DLG2: variants seen among roughly 807,000 people sequenced by gnomAD.
The protein encoded by DLG2 is discs large MAGUK scaffold protein 2, also known as disks large homolog 2.
A neutral mutation model predicts 132.5 loss-of-function variants in DLG2; 45 were observed. That is an observed-to-expected ratio of 0.34 (90% CI 0.27 to 0.44). DLG2 has a LOEUF of 0.44. DLG2 is among the 20% of genes least tolerant of loss of function. The probability of loss-of-function intolerance (pLI) is 1.00; values close to 1 mark genes in which losing one functional copy is unlikely to be tolerated. For missense variants in DLG2, 1,045 were observed against 1,196.9 expected, an observed-to-expected ratio of 0.87 and a Z score of 1.87; for synonymous variants, 424 against 419.6, an observed-to-expected ratio of 1.01 and a Z score of -0.13.
At chr11:85,406,995 T>C (rs2088814229) in intron 3 of DLG2, among the ~76,000 whole-genome samples, 1 of 151,774 alleles carries the variant, frequency 6.6e-6, no homozygotes, top group African/African-American at 2.4e-5. Context: ...AAAAGAGTCA[T>C]GGAGATATTG....
chr11:84,593,283 C>T (rs1486037975), intron 6 of DLG2, among the ~76,000 whole-genome samples: 1 of 152,110 alleles, frequency 6.6e-6, no homozygotes, highest in African/African-American at 2.4e-5. Context: ...GACCGCCAAT[C>T]CCATTACTGG....
At chr11:84,336,472 A>G (rs967819519) in intron 7 of DLG2, among the ~76,000 whole-genome samples, 3 of 152,196 alleles carry the variant, frequency 2.0e-5, no homozygotes, top group African/African-American at 7.2e-5. Context: ...ATTGACTCAT[A>G]AAGTATTCCT....
chr11:85,293,561 A>G (rs932118885), intron 3 of DLG2, among the ~76,000 whole-genome samples: 4 of 152,170 alleles, frequency 2.6e-5, no homozygotes, highest in African/African-American at 9.7e-5. Context: ...ACATCAGACA[A>G]ATGCAAATTA....
chr11:84,788,204 TA>T (rs998819662), intron 6 of DLG2, among the ~76,000 whole-genome samples: 1 of 130,878 alleles, frequency 7.6e-6, no homozygotes, highest in African/African-American at 2.9e-5. Flanking sequence ...AAAACAAAAA[TA>T]GTAAAACAAA....
At chr11:83,722,387 G>T (rs1051988065) in intron 18 of DLG2, among the ~76,000 whole-genome samples, 1 of 152,132 alleles carries the variant, frequency 6.6e-6, no homozygotes, top group African/African-American at 2.4e-5. Flanking sequence ...TTTAATAAGG[G>T]TGCTAGCCTA....
At chr11:83,890,122 A>T (rs2069298254) in intron 15 of DLG2, among the ~76,000 whole-genome samples, 1 of 152,082 alleles carries the variant, frequency 6.6e-6, no homozygotes, top group African/African-American at 2.4e-5. Flanking sequence ...ATAATAATAA[A>T]AAAAGAAATT....
At chr11:84,910,657 A>G (rs2091967010) in intron 6 of DLG2, among the ~76,000 whole-genome samples, 1 of 152,186 alleles carries the variant, frequency 6.6e-6, no homozygotes, top group Non-Finnish European at 1.5e-5. Flanking sequence ...TCACGCCTAT[A>G]ATCCCAGCTG....
intron 11 of DLG2, among the ~76,000 whole-genome samples, chr11:84,035,149 G>T (rs2095827345): frequency 6.6e-6 from 1 of 151,990 alleles, no homozygotes; most frequent in Admixed American, 6.6e-5. Flanking sequence ...CTAAGCCAAG[G>T]TCTGCTGCCC....
Position 85,186,544 on chromosome 11 carries a change from T to C in DLG2, c.187-31893A>G, listed in dbSNP as rs149349514. 2.9e-3 allele frequency among the ~76,000 whole-genome samples: 440 copies of C among 152,204 alleles called. 2 individuals carry two copies. Among genetic ancestry groups the C allele is most frequent in the African/African-American group, 0.01 (432 of 41,552 alleles). The stretch of plus-strand genomic sequence containing the variant: ...TACATAGAAATGGAGAATTTTAGAT[T>C]TGTATTTATAGAATGACCCAATTTA... On this transcript the variant is annotated intron_variant, in intron 4 of 27. Coordinates refer to ENST00000376104, the MANE Select transcript of DLG2 (RefSeq NM_001142699.3).
intron 7 of DLG2, among the ~76,000 whole-genome samples, chr11:84,345,284 A>T (rs889929430): frequency 3.3e-5 from 5 of 152,202 alleles, no homozygotes; most frequent in Non-Finnish European, 7.3e-5. Context: ...GAAATTTTGA[A>T]ACCGGTATAT....
intron 3 of DLG2, among the ~76,000 whole-genome samples, chr11:85,521,981 T>C (rs539949606): frequency 1.3e-3 from 197 of 151,954 alleles, no homozygotes; most frequent in Non-Finnish European, 1.9e-3. Context: ...GGTGCAGAAA[T>C]TTGCATAAGT....
intron 6 of DLG2, among the ~76,000 whole-genome samples, chr11:85,105,099 C>A (rs1479726338): frequency 6.6e-6 from 1 of 151,924 alleles, no homozygotes; most frequent in African/African-American, 2.4e-5. Flanking sequence ...ATCTTGCCAG[C>A]AACCTTAGGG....
chr11:83,630,157 T>A (rs547692482), intron 19 of DLG2, among the ~76,000 whole-genome samples: 1 of 152,316 alleles, frequency 6.6e-6, no homozygotes, highest in South Asian at 2.1e-4. Context: ...TTTAAAATAC[T>A]GCCTGGCTCA....
intron 3 of DLG2, among the ~76,000 whole-genome samples, chr11:85,321,995 G>C (rs2081103188): frequency 6.6e-6 from 1 of 151,994 alleles, no homozygotes; most frequent in Non-Finnish European, 1.5e-5. Context: ...ACCAGGAAAT[G>C]TGTGGCAGCA....
At position 83,659,762 on chromosome 11, in the gene DLG2, G is replaced by A. The variant is rs540564196; in HGVS notation, c.1826-26437C>T. Among the ~76,000 whole-genome samples, 16 of 152,298 alleles carry A rather than the reference G, an allele frequency of 1.1e-4. No homozygotes were observed. The East Asian group carries it at 1.5e-3, about 15-fold the overall frequency. ...TTTAATCCACACACTATAAGAACAC[G>A]CCCTTCCTGAATTCCCATTTGCATA... On this transcript the variant is annotated intron_variant, in intron 18 of 27. Transcript: ENST00000376104.
intron 6 of DLG2, among the ~76,000 whole-genome samples, chr11:84,913,866 G>A (rs566487963): frequency 6.6e-6 from 1 of 152,240 alleles, no homozygotes; most frequent in Admixed American, 6.5e-5. Context: ...CTGAAAAAGT[G>A]CAGTTCATAA....
At chr11:84,020,840 T>A (rs2154077022) in intron 11 of DLG2, among the ~76,000 whole-genome samples, 1 of 152,258 alleles carries the variant, frequency 6.6e-6, no homozygotes, top group South Asian at 2.1e-4. Flanking sequence ...GGAAGTTCTT[T>A]CGGTTATAAA....
chr11:83,866,698 G>A (rs986608184), intron 16 of DLG2, among the ~76,000 whole-genome samples: 2 of 152,110 alleles, frequency 1.3e-5, no homozygotes, highest in Non-Finnish European at 2.9e-5. Context: ...GATATACACG[G>A]TATGATAAGT....
chr11:85,524,352 CA>C (rs1565633030), intron 3 of DLG2, among the ~76,000 whole-genome samples: 3 of 151,804 alleles, frequency 2.0e-5, no homozygotes, highest in Non-Finnish European at 2.9e-5. Flanking sequence ...AAATATCTCA[CA>C]TATGCCATAA....
Sources: gnomAD v4.1 joint callset for allele counts (sites outside exome capture counted in the v4.1 genomes callset) on GRCh38, gnomAD v4.1.1 for gene constraint, MANE v1.5 for transcripts, NCBI Gene and HGNC (gene_info 2026-07-23, HGNC 2026-07-21) for gene names.